Variants in VPS13C observed in about 807,000 individuals in gnomAD.
VPS13C encodes the protein vacuolar protein sorting 13 homolog C, also known as intermembrane lipid transfer protein VPS13C.
A neutral mutation model predicts 456.8 loss-of-function variants in VPS13C; 358 were observed. The ratio of observed to expected loss-of-function variants is 0.78; its 90% CI spans 0.72 to 0.86. The LOEUF (loss-of-function observed/expected upper bound fraction) is 0.86. VPS13C is among the 40% of genes least tolerant of loss of function. VPS13C has a pLI of 0.00. For synonymous variants in VPS13C, 1,578 were observed against 1,486.7 expected (o/e 1.06, Z -1.41); for missense variants, 4,818 against 4,385.4 (o/e 1.10, Z -2.79).
chr15:61,917,036 AC>A (rs2140166358), intron 60 of VPS13C, among the ~76,000 whole-genome samples: 1 of 152,228 alleles, frequency 6.6e-6, no homozygotes, highest in South Asian at 2.1e-4. Flanking sequence ...TAGCTATGGG[AC>A]CTTGAGCCAG....
chr15:61,875,888 G>T lies in VPS13C; in HGVS notation c.10225-43C>A, dbSNP rs760717275. ...TTAAATTAAGTCCTTCACAACTATT[G>T]TAAGAAACATCATAATGAAATAGAA... On this transcript the variant is annotated intron_variant, in intron 75 of 84. Coordinates refer to ENST00000644861, the MANE Select transcript of VPS13C (RefSeq NM_020821.3). 8.6e-5 allele frequency: 107 copies of T among 1,247,240 alleles called. No homozygotes were observed. In the East Asian group the frequency reaches 2.3e-3, roughly 27 times the overall value. 77.3% of individuals were successfully genotyped at this position (1,247,240 alleles called of 1,614,324 possible).
rs138240568 is a variant in VPS13C at position 61,856,349 on chromosome 15, A to T, written c.11013T>A (p.Cys3671Ter). 1.2e-6 allele frequency: 2 copies of T among 1,613,324 alleles called. No homozygotes were observed. The highest frequency in any genetic ancestry group is 2.7e-5 in the African/African-American group (2 of 74,874). The change falls in exon 83 of 85, where the codon TGT becomes TGA. Residue 3671 changes from cysteine (C) to a stop codon, truncating the protein, a stop_gained. Transcript: ENST00000644861. LOFTEE classifies it high-confidence loss of function. ...ILGLMCVDWQ[C>*]PFEDFVFPPS... ...GAGGAAATACAAAATCTTCAAATGG[A>T]CATTGCCAGTCTACACACATAAGGC...
At chr15:62,052,355 A>C (rs945316996) in intron 1 of VPS13C, among the ~76,000 whole-genome samples, 1 of 152,276 alleles carries the variant, frequency 6.6e-6, no homozygotes, top group African/African-American at 2.4e-5. Flanking sequence ...AGCATGAATC[A>C]AATTATTTTA....
At chr15:61,901,882 A>G (rs1184637408) in intron 66 of VPS13C, among the ~76,000 whole-genome samples, 1 of 152,258 alleles carries the variant, frequency 6.6e-6, no homozygotes, top group Middle Eastern at 3.4e-3. Flanking sequence ...ACAATGATAG[A>G]CTGGATTAAG....
chr15:61,995,265 G>A lies in VPS13C; in HGVS notation c.1354-3463C>T, dbSNP rs563248934. Among the ~76,000 whole-genome samples, 79 of 152,282 alleles carry A rather than the reference G, an allele frequency of 5.2e-4. No homozygotes were observed. In the Middle Eastern group the frequency reaches 0.014, roughly 26 times the overall value. The stretch of plus-strand genomic sequence containing the variant: ...ATAAAAAAGATCTACCCGAGACTTT[G>A]AAAAGTAAGCAAAGCAGGCAAATAG... On this transcript the variant is annotated intron_variant, in intron 16 of 84. Coordinates refer to ENST00000644861, the MANE Select transcript of VPS13C (RefSeq NM_020821.3).
At chr15:61,989,714 T>C (rs1405200484) in intron 18 of VPS13C, among the ~76,000 whole-genome samples, 3 of 152,200 alleles carry the variant, frequency 2.0e-5, no homozygotes, top group Non-Finnish European at 4.4e-5. Flanking sequence ...AATATTACAA[T>C]TACTTTTGCA....
intron 48 of VPS13C, among the ~76,000 whole-genome samples, chr15:61,935,204 A>T (rs571741235): frequency 6.6e-6 from 1 of 152,186 alleles, no homozygotes; most frequent in Admixed American, 6.5e-5. Context: ...TTCAGGAAGT[A>T]AGTCAGTCTT....
At chr15:61,913,562 CA>C in intron 61 of VPS13C, 147 bp from the exon 62 acceptor site, 1 of 614,560 alleles carries the variant, frequency 1.6e-6, no homozygotes, top group South Asian at 2.5e-5. Context: ...AAACAGGTAA[CA>C]GAACCACAAA....
At chr15:62,019,570 T>C (rs893920493) in intron 9 of VPS13C, among the ~76,000 whole-genome samples, 100 of 152,140 alleles carry the variant, frequency 6.6e-4, no homozygotes, top group Non-Finnish European at 1.2e-3. Context: ...CAGGAGAAGG[T>C]TGTTCAGTTT....
At chr15:62,007,960 G>T (rs745663002) in intron 14 of VPS13C, among the ~76,000 whole-genome samples, 1 of 152,018 alleles carries the variant, frequency 6.6e-6, no homozygotes. Context: ...CAAAAATTAG[G>T]CCAGGCACGG....
At chr15:62,010,936 A>G (rs1197843068) in intron 12 of VPS13C, among the ~76,000 whole-genome samples, 1 of 152,294 alleles carries the variant, frequency 6.6e-6, no homozygotes, top group East Asian at 1.9e-4. Context: ...TAATGATTGT[A>G]TTATTCATTA....
At chr15:62,058,955 A>C (rs561813663) in intron 1 of VPS13C, among the ~76,000 whole-genome samples, 1 of 151,932 alleles carries the variant, frequency 6.6e-6, no homozygotes, top group East Asian at 1.9e-4. Flanking sequence ...CAACAACAAC[A>C]ACCAGGCTCT....
At position 62,033,516 on chromosome 15, in the gene VPS13C, C is replaced by A; in HGVS notation, c.310G>T (p.Glu104Ter). The A allele has an allele frequency of 6.2e-7, 1 of 1,604,876 alleles. No individual in the cohort carries two copies. The highest frequency in any genetic ancestry group is 1.1e-5 in the South Asian group (1 of 89,850). ...ASIKYDAVKE[E>*]KSLQDVKQKE... Reference sequence around the variant, plus strand: ...TGTTTAACATCCTGCAAGGATTTTTCTTCTTTTACAGCATCATACTTAATA... The same window carrying A: ...TGTTTAACATCCTGCAAGGATTTTTATTCTTTTACAGCATCATACTTAATA... The change falls in exon 5 of 85, where the codon GAA becomes TAA. Residue 104 changes from glutamate to a stop codon, truncating the protein, a stop_gained. Transcript: ENST00000644861. LOFTEE classifies it high-confidence loss of function.
At chr15:62,047,092 A>G (rs1037833606) in intron 1 of VPS13C, among the ~76,000 whole-genome samples, 1 of 151,908 alleles carries the variant, frequency 6.6e-6, no homozygotes, top group Non-Finnish European at 1.5e-5. Flanking sequence ...AATTTTTTCT[A>G]TATCTAGTAT....
chr15:61,940,616 A>C, intron 47 of VPS13C, 31 bp downstream of exon 47: 1 of 1,585,302 alleles, frequency 6.3e-7, no homozygotes, highest in Non-Finnish European at 8.6e-7. Flanking sequence ...CCTATCAAGA[A>C]ATTTTCATAT....
intron 63 of VPS13C, 149 bp downstream of exon 63, chr15:61,911,691 T>C: frequency 1.2e-6 from 1 of 811,376 alleles, no homozygotes; most frequent in Non-Finnish European, 1.8e-6. Context: ...TTTTTAAAAA[T>C]ATAGTAAGAG....
Position 61,969,282 on chromosome 15 carries a change from AT to A in VPS13C, c.2911+16del. 1 of 1,547,656 alleles carries A rather than the reference AT, an allele frequency of 6.5e-7. No homozygotes were observed. ...ATCTTTATTATAGGCTATTATTTCT[AT>A]TTTTATGGGTATTACCTTCAATTTC... is the stretch of plus-strand genomic sequence containing the variant. On this transcript the variant is annotated intron_variant, in intron 28 of 84. Coordinates refer to ENST00000644861, the MANE Select transcript of VPS13C (RefSeq NM_020821.3).
intron 49 of VPS13C, among the ~76,000 whole-genome samples, chr15:61,932,526 A>T (rs911014511): frequency 2.0e-4 from 29 of 141,982 alleles, no homozygotes; most frequent in South Asian, 1.5e-3. Flanking sequence ...GTCCAGATTT[A>T]AAAAAAAAAA....
intron 1 of VPS13C, among the ~76,000 whole-genome samples, chr15:62,047,746 A>G (rs2048465429): frequency 6.6e-6 from 1 of 152,210 alleles, no homozygotes; most frequent in Admixed American, 6.5e-5. Flanking sequence ...ACTCTCCACT[A>G]AACTGCATGC....
Sources: gnomAD v4.1 joint callset for allele counts (sites outside exome capture counted in the v4.1 genomes callset) on GRCh38, gnomAD v4.1.1 for gene constraint, MANE v1.5 for transcripts, NCBI Gene and HGNC (gene_info 2026-07-23, HGNC 2026-07-21) for gene names.